The following ERO1B variants were observed in gnomAD, a reference collection of about 807,000 sequenced individuals.
ERO1B encodes the protein ERO1-like protein beta.
In ERO1B, 49 loss-of-function variants were observed where a neutral mutation model predicts 75.3. That is an observed-to-expected ratio of 0.65 (90% CI 0.52 to 0.83). ERO1B has a LOEUF of 0.83. Ranked by LOEUF, ERO1B falls within the 40% of genes least tolerant of loss-of-function variation. ERO1B has a pLI of 0.00. For missense variants in ERO1B, 512 were observed against 560.1 expected (o/e 0.91, Z 0.87); for synonymous variants, 191 against 192.9 (o/e 0.99, Z 0.08).
intron 6 of ERO1B, among the ~76,000 whole-genome samples, chr1:236,238,724 T>C (rs1260318915): frequency 6.6e-6 from 1 of 151,730 alleles, no homozygotes; most frequent in African/African-American, 2.4e-5. Flanking sequence ...ATATATATTA[T>C]ATATTTATAA....
intron 1 of ERO1B, among the ~76,000 whole-genome samples, chr1:236,279,664 T>A (rs759953103): frequency 2.5e-5 from 2 of 79,468 alleles, no homozygotes; most frequent in Admixed American, 1.4e-4. Flanking sequence ...CCCTGTCTAC[T>A]GGGAAAAAAA....
At chr1:236,248,921 G>A (rs1433105090) in intron 5 of ERO1B, among the ~76,000 whole-genome samples, 4 of 151,870 alleles carry the variant, frequency 2.6e-5, no homozygotes, top group Non-Finnish European at 4.4e-5. Flanking sequence ...ATATGTATGT[G>A]GGTGTTTATT....
intron 2 of ERO1B, among the ~76,000 whole-genome samples, chr1:236,258,006 T>A (rs1665200060): frequency 6.8e-6 from 1 of 146,402 alleles, no homozygotes; most frequent in Non-Finnish European, 1.5e-5. Flanking sequence ...ACAAAAAAAA[T>A]TCAAAGAAAA....
rs1664276679 is a variant in ERO1B at position 236,226,291 on chromosome 1, G to A, written c.1030C>T (p.Leu344=). 6.2e-7 allele frequency: 1 copy of A among 1,613,832 alleles called. No homozygotes were observed. Among genetic ancestry groups the A allele is most frequent in the East Asian group, 2.2e-5 (1 of 44,876 alleles). Residue 344 remains leucine, a synonymous_variant, in exon 12 of 16, where the codon CTG becomes TTG. Coordinates refer to ENST00000354619, the MANE Select transcript of ERO1B (RefSeq NM_019891.4). ...EEDADTKTLL[L]NIFQDTKSFP... ...TACTTTGTATCTTGAAAGATATTCAGTAGAAGAGTTTTTGTGTCAGCATCT... is the reference window on the plus strand; with the variant it reads ...TACTTTGTATCTTGAAAGATATTCAATAGAAGAGTTTTTGTGTCAGCATCT...
intron 14 of ERO1B, 22 bp downstream of exon 14, chr1:236,221,902 A>G: frequency 6.3e-7 from 1 of 1,586,308 alleles, no homozygotes; most frequent in South Asian, 1.1e-5. Flanking sequence ...AATGGCTTCA[A>G]AAGAGAAGAC....
intron 2 of ERO1B, among the ~76,000 whole-genome samples, chr1:236,254,513 C>T (rs1178617572): frequency 6.6e-6 from 1 of 152,218 alleles, no homozygotes; most frequent in Non-Finnish European, 1.5e-5. Context: ...CCCTCCATAA[C>T]CTGGCCTCTG....
Position 236,216,691 on chromosome 1 carries a change from A to C in ERO1B, c.*1825T>G, listed in dbSNP as rs1472059510. 6.6e-6 allele frequency: 1 copy of C among 152,088 alleles called. No individual in the cohort carries two copies. Among genetic ancestry groups the C allele is most frequent in the Admixed American group, 6.6e-5 (1 of 15,256 alleles). 9.4% of individuals were successfully genotyped at this position (152,088 alleles called of 1,614,324 possible). A position where few individuals can be genotyped will look rare whatever the true frequency, so the allele number is the denominator to read the frequency against. ...CAGTTTAAATAATAGCCTTTAACTG[A>C]GGGAGTGGTGAAATAACACTATCAA... On this transcript the variant is annotated 3_prime_UTR_variant, in exon 16 of 16. Transcript: ENST00000354619.
chr1:236,268,188 G>A (rs1017029349), intron 2 of ERO1B, among the ~76,000 whole-genome samples: 1 of 152,146 alleles, frequency 6.6e-6, no homozygotes, highest in African/African-American at 2.4e-5. Context: ...TCTCTTATTT[G>A]TTATATTTCT....
intron 10 of ERO1B, 120 bp downstream of exon 10, chr1:236,230,104 T>A: frequency 1.3e-6 from 1 of 777,620 alleles, no homozygotes; most frequent in South Asian, 1.6e-5. Context: ...AACACATTTT[T>A]TTTTTCAAAC....
intron 2 of ERO1B, among the ~76,000 whole-genome samples, chr1:236,268,756 G>A (rs1227089388): frequency 6.6e-6 from 1 of 151,986 alleles, no homozygotes; most frequent in South Asian, 2.1e-4. Flanking sequence ...CGTGGTGGCA[G>A]GTGCCTGTAG....
intron 1 of ERO1B, among the ~76,000 whole-genome samples, chr1:236,281,226 G>A (rs992625836): frequency 1.3e-5 from 2 of 152,166 alleles, no homozygotes; most frequent in African/African-American, 2.4e-5. Flanking sequence ...AATCCCCTGC[G>A]CCTGGCGGGG....
At position 236,235,801 on chromosome 1, in the gene ERO1B, C is replaced by G; in HGVS notation, c.661G>C (p.Ala221Pro). 6.2e-7 allele frequency: 1 copy of G among 1,611,624 alleles called. No individual in the cohort carries two copies. Among genetic ancestry groups the G allele is most frequent in the Non-Finnish European group, 8.5e-7 (1 of 1,179,014 alleles). Reference protein sequence around the residue: ...RSVYRPLNPLAPSRGEDDGES... With the variant: ...RSVYRPLNPLPPSRGEDDGES... ...ATGAAAAACCTACCTCGGCTAGGCG[C>G]CAGAGGATTTAAAGGACGATAAACA... is the stretch of plus-strand genomic sequence containing the variant. The change falls in exon 8 of 16, where the codon GCG becomes CCG. Residue 221 changes from alanine (A) to proline (P), a missense_variant. By Grantham distance (27) the Ala-to-Pro change is conservative. Transcript: ENST00000354619.
intron 8 of ERO1B, among the ~76,000 whole-genome samples, chr1:236,234,038 C>T (rs565062661): frequency 6.6e-6 from 1 of 152,226 alleles, no homozygotes; most frequent in South Asian, 2.1e-4. Context: ...GGGGTTATGA[C>T]TCAGAAATGT....
chr1:236,231,558 AAG>A lies in ERO1B; in HGVS notation c.685+1268_685+1269del, dbSNP rs201738628. Among the ~76,000 whole-genome samples, 549 of 151,552 alleles carry A rather than the reference AAG, an allele frequency of 3.6e-3. 13 individuals carry two copies. The East Asian group carries it at 0.045, about 12-fold the overall frequency. ...CTGTAACCTTCTTCTGAGTTGGGGA[AAG>A]AGAAAGAAAAGAGAGCAGTCAATAA... On this transcript the variant is annotated intron_variant, in intron 9 of 15. Transcript: ENST00000354619.
At position 236,220,022 on chromosome 1, in the gene ERO1B, C is replaced by A. The variant is rs376370853; in HGVS notation, c.1343+810G>T. On this transcript the variant is annotated intron_variant, in intron 15 of 15. Coordinates refer to ENST00000354619, the MANE Select transcript of ERO1B (RefSeq NM_019891.4). Reference sequence around the variant, plus strand: ...CTGGATGACAGAGCGAGACCCTCATCTCTTTTAAAAAAAAAAAAAAAAAAA... The same window carrying A: ...CTGGATGACAGAGCGAGACCCTCATATCTTTTAAAAAAAAAAAAAAAAAAA... 4.5e-3 allele frequency among the ~76,000 whole-genome samples: 441 copies of A among 98,702 alleles called. 8 individuals carry two copies. Among genetic ancestry groups the A allele is most frequent in the African/African-American group, 0.021 (427 of 20,718 alleles). The allele number at this position is 98,702 out of a possible 152,430, so 64.8% of individuals were successfully genotyped here.
chr1:236,231,265 A>T (rs1664401356), intron 9 of ERO1B, among the ~76,000 whole-genome samples: 1 of 152,202 alleles, frequency 6.6e-6, no homozygotes, highest in East Asian at 1.9e-4. Context: ...ATGCTGAAGA[A>T]CATTCCTGGG....
At chr1:236,247,129 C>CT (rs1317880778) in intron 5 of ERO1B, among the ~76,000 whole-genome samples, 1 of 152,146 alleles carries the variant, frequency 6.6e-6, no homozygotes, top group Non-Finnish European at 1.5e-5. Context: ...TATTTACACT[C>CT]TCTCCTTGGT....
At chr1:236,226,893 T>C (rs1400509221) in intron 10 of ERO1B, among the ~76,000 whole-genome samples, 154 bp from the exon 11 acceptor site, 3 of 152,214 alleles carry the variant, frequency 2.0e-5, no homozygotes, top group Non-Finnish European at 2.9e-5. Flanking sequence ...ATTCTCTCAC[T>C]AGAAGGCAAA....
At chr1:236,221,038 A>T (rs1664127390) in intron 14 of ERO1B, 73 bp from the exon 15 acceptor site, 1 of 1,149,116 alleles carries the variant, frequency 8.7e-7, no homozygotes, top group Non-Finnish European at 1.2e-6. Context: ...AAAGGAATAT[A>T]TAGCCACTGT....
Sources: allele counts gnomAD v4.1 joint callset (sites outside exome capture counted in the v4.1 genomes callset), GRCh38; gene constraint gnomAD v4.1.1; transcripts MANE v1.5; gene names NCBI Gene and HGNC (gene_info 2026-07-23, HGNC 2026-07-21).